GALNT17: variants seen among roughly 807,000 people sequenced by gnomAD.
The protein encoded by GALNT17 is UDP-GalNAc:polypeptide N-acetylgalactosaminyltransferase-like 3.
In GALNT17, 29 loss-of-function variants were observed where a neutral mutation model predicts 63.7. The observed-to-expected ratio is 0.46, with a 90% confidence interval of 0.34 to 0.62. The LOEUF (loss-of-function observed/expected upper bound fraction) is 0.62. Among genes scored for constraint, GALNT17 ranks in the 20% least tolerant of loss-of-function variants. The pLI, the probability that GALNT17 is intolerant of heterozygous loss-of-function variation, is 0.01. For synonymous variants in GALNT17, 305 were observed against 318.3 expected (o/e 0.96, Z 0.45); for missense variants, 603 against 799.6 (o/e 0.75, Z 2.97).
intron 6 of GALNT17, among the ~76,000 whole-genome samples, chr7:71,660,421 A>G (rs1272791575): frequency 1.3e-5 from 2 of 152,180 alleles, no homozygotes; most frequent in African/African-American, 2.4e-5. Flanking sequence ...TGCTCTTGGC[A>G]TCAGCGACAT....
At chr7:71,518,609 A>G (rs1185197768) in intron 5 of GALNT17, among the ~76,000 whole-genome samples, 3 of 152,222 alleles carry the variant, frequency 2.0e-5, no homozygotes, top group Non-Finnish European at 4.4e-5. Context: ...GTGAGTCACT[A>G]GGAAACTTCA....
At chr7:71,699,156 A>G (rs1056573721) in intron 9 of GALNT17, among the ~76,000 whole-genome samples, 1 of 116,926 alleles carries the variant, frequency 8.6e-6, no homozygotes, top group African/African-American at 3.3e-5. Context: ...TAGGCAACAG[A>G]GCAAGACTCC....
At chr7:71,671,522 C>T (rs1368725510) in intron 8 of GALNT17, among the ~76,000 whole-genome samples, 1 of 152,154 alleles carries the variant, frequency 6.6e-6, no homozygotes, top group African/African-American at 2.4e-5. Flanking sequence ...ATGGGATGCT[C>T]ACATCTTGCA....
At chr7:71,566,221 G>A (rs1789341268) in intron 5 of GALNT17, among the ~76,000 whole-genome samples, 1 of 152,096 alleles carries the variant, frequency 6.6e-6, no homozygotes, top group Non-Finnish European at 1.5e-5. Context: ...TGCTGATGCA[G>A]TCAGCCCCTA....
intron 1 of GALNT17, among the ~76,000 whole-genome samples, chr7:71,166,770 A>T (rs994218338): frequency 5.3e-5 from 8 of 152,096 alleles, no homozygotes; most frequent in Non-Finnish European, 1.2e-4. Context: ...GATTGTAGCT[A>T]TTTCCAGTGA....
At chr7:71,148,854 GTATTTTTATATATATATATATA>G (rs1214396404) in intron 1 of GALNT17, among the ~76,000 whole-genome samples, 1 of 94,046 alleles carries the variant, frequency 1.1e-5, no homozygotes, top group Non-Finnish European at 2.0e-5. Context: ...TAGTATTATG[GTATTTTTATATATATATATATA>G]TATATATATA....
At chr7:71,295,606 T>G (rs1167715182) in intron 1 of GALNT17, among the ~76,000 whole-genome samples, 2 of 150,974 alleles carry the variant, frequency 1.3e-5, no homozygotes, top group Middle Eastern at 3.4e-3. Flanking sequence ...CCTTCCTTCC[T>G]TCCCCCACCT....
At chr7:71,455,511 T>TG (rs1449529696) in intron 5 of GALNT17, among the ~76,000 whole-genome samples, 1 of 151,954 alleles carries the variant, frequency 6.6e-6, no homozygotes, top group Non-Finnish European at 1.5e-5. Context: ...TTTTTGTTTT[T>TG]TTTTTTGCAT....
rs1256439534 is a variant in GALNT17 at position 71,559,870 on chromosome 7, A to G, written c.963-11415A>G. 5.4e-5 allele frequency among the ~76,000 whole-genome samples: 8 copies of G among 147,380 alleles called. No homozygotes were observed. In the East Asian group the frequency reaches 1.6e-3, roughly 29 times the overall value. ...TTCTTTTTTCTGTCTTATGTATTAA[A>G]AAGAAACACATTTTCAACATTAAAA... On this transcript the variant is annotated intron_variant, in intron 5 of 10. Coordinates refer to ENST00000333538, the MANE Select transcript of GALNT17 (RefSeq NM_022479.3).
intron 1 of GALNT17, among the ~76,000 whole-genome samples, chr7:71,263,139 C>G (rs1164557805): frequency 6.6e-6 from 1 of 152,078 alleles, no homozygotes; most frequent in Non-Finnish European, 1.5e-5. Context: ...GCAGGCGGAT[C>G]TTGAGGTCAG....
chr7:71,288,048 CAA>C (rs35168193), intron 1 of GALNT17, among the ~76,000 whole-genome samples: 20,465 of 85,866 alleles, frequency 0.24, 1,980 homozygotes, highest in African/African-American at 0.35. Context: ...GAGACTGTCT[CAA>C]AAAAAAAAAA....
At chr7:71,393,818 T>G (rs1793091883) in intron 3 of GALNT17, among the ~76,000 whole-genome samples, 2 of 152,228 alleles carry the variant, frequency 1.3e-5, no homozygotes, top group South Asian at 4.1e-4. Flanking sequence ...CTTTGTACTC[T>G]GTACATCCAG....
intron 5 of GALNT17, among the ~76,000 whole-genome samples, chr7:71,508,684 C>T (rs567189052): frequency 2.0e-5 from 3 of 152,180 alleles, no homozygotes; most frequent in Admixed American, 1.3e-4. Flanking sequence ...AAGTCCCCAG[C>T]CTTCATGCCC....
At chr7:71,196,321 G>T (rs920565290) in intron 1 of GALNT17, among the ~76,000 whole-genome samples, 2 of 151,906 alleles carry the variant, frequency 1.3e-5, no homozygotes, top group African/African-American at 2.4e-5. Flanking sequence ...TGTATTTTTA[G>T]TAGAGATGGG....
chr7:71,442,254 T>C (rs1264927896), intron 5 of GALNT17, among the ~76,000 whole-genome samples: 1 of 152,130 alleles, frequency 6.6e-6, no homozygotes, highest in African/African-American at 2.4e-5. Context: ...TGGAGTGCAA[T>C]GGCCCGATCT....
intron 1 of GALNT17, among the ~76,000 whole-genome samples, chr7:71,236,980 C>A (rs933676095): frequency 2.6e-5 from 4 of 152,130 alleles, no homozygotes; most frequent in African/African-American, 9.7e-5. Flanking sequence ...TTTGTTACTG[C>A]CCTGGCAAAA....
At chr7:71,696,847 A>G (rs1791553267) in intron 9 of GALNT17, among the ~76,000 whole-genome samples, 1 of 152,206 alleles carries the variant, frequency 6.6e-6, no homozygotes, top group Non-Finnish European at 1.5e-5. Flanking sequence ...TTTTTGCAAG[A>G]TACTTTTGTT....
intron 1 of GALNT17, among the ~76,000 whole-genome samples, chr7:71,263,911 G>A (rs1175550042): frequency 6.6e-6 from 1 of 152,118 alleles, no homozygotes; most frequent in Non-Finnish European, 1.5e-5. Context: ...GCGATAGAGC[G>A]ACATTCCGTC....
intron 3 of GALNT17, among the ~76,000 whole-genome samples, chr7:71,413,274 T>A (rs1371063258): frequency 6.6e-6 from 1 of 152,214 alleles, no homozygotes; most frequent in African/African-American, 2.4e-5. Flanking sequence ...CTGTGACTCC[T>A]CACAGCACTC....
Sources: gnomAD v4.1 joint callset for allele counts (sites outside exome capture counted in the v4.1 genomes callset) on GRCh38, gnomAD v4.1.1 for gene constraint, MANE v1.5 for transcripts, NCBI Gene and HGNC (gene_info 2026-07-23, HGNC 2026-07-21) for gene names.